Variants in CDYL observed in about 807,000 individuals in gnomAD.
CDYL encodes the protein chromodomain Y like.
A neutral mutation model predicts 47.3 loss-of-function variants in CDYL; 8 were observed. The observed-to-expected ratio is 0.17, with a 90% CI of 0.10 to 0.31. CDYL has a LOEUF of 0.31. Ranked by LOEUF, CDYL falls within the 10% of genes least tolerant of loss-of-function variation. The probability of loss-of-function intolerance (pLI) is 1.00; values close to 1 mark genes in which losing one functional copy is unlikely to be tolerated. For missense variants in CDYL, 471 were observed against 701.4 expected (o/e 0.67, Z 3.71); for synonymous variants, 266 against 265.0 (o/e 1.00, Z -0.04).
intron 1 of CDYL, among the ~76,000 whole-genome samples, chr6:4,830,208 C>T (rs765756082): frequency 6.6e-6 from 1 of 152,242 alleles, no homozygotes; most frequent in Non-Finnish European, 1.5e-5. Flanking sequence ...TATCACCGCA[C>T]TACCCATTTA....
rs200196504 is a variant in CDYL at position 4,922,006 on chromosome 6, G to C, written c.692-13509G>C. On this transcript the variant is annotated intron_variant, in intron 2 of 6. Coordinates refer to ENST00000397588, the MANE Select transcript of CDYL (RefSeq NM_004824.4). ...CTAGTTCGTTTTTCACGTAGGTACC[G>C]TTCCTGCCTCTGTGGTGGCAGCTGG... Among the ~76,000 whole-genome samples the C allele has an allele frequency of 9.9e-5, 15 of 152,194 alleles. 1 individual carries two copies. In the East Asian group the frequency reaches 1.9e-3, roughly 20 times the overall value.
At chr6:4,753,670 CATT>C (rs2127420657) in intron 3 of CDYL, among the ~76,000 whole-genome samples, 1 of 152,236 alleles carries the variant, frequency 6.6e-6, no homozygotes, top group East Asian at 1.9e-4. Context: ...GTAAGAAATG[CATT>C]ATTATATTCA....
At chr6:4,946,807 C>T (rs884775) in intron 5 of CDYL, among the ~76,000 whole-genome samples, 2,978 of 152,214 alleles carry the variant, frequency 0.02, 88 homozygotes, top group African/African-American at 0.068. Flanking sequence ...TGTGGATGGC[C>T]CCACCGGCTG....
chr6:4,850,275 A>G (rs923381037), intron 1 of CDYL, among the ~76,000 whole-genome samples: 6 of 152,188 alleles, frequency 3.9e-5, no homozygotes, highest in Admixed American at 6.5e-5. Context: ...TAGATACACA[A>G]AACTCTGTTC....
At chr6:4,887,402 C>G (rs1333474048) in intron 1 of CDYL, among the ~76,000 whole-genome samples, 4 of 152,044 alleles carry the variant, frequency 2.6e-5, no homozygotes, top group Non-Finnish European at 1.5e-5. Context: ...ATAAGTTTTA[C>G]ACCTCTTTTA....
Position 4,833,637 on chromosome 6 carries a change from T to C in CDYL, c.24+56830T>C, listed in dbSNP as rs1474351823. ...AATTCCTGGGTATCCTTGTTGACTT[T>C]CTGTCTTGTTGATCTGTCTAATGTT... On this transcript the variant is annotated intron_variant, in intron 1 of 6. Coordinates refer to ENST00000397588, the MANE Select transcript of CDYL (RefSeq NM_004824.4). 3.1e-3 allele frequency among the ~76,000 whole-genome samples: 466 copies of C among 150,228 alleles called. 1 individual carries two copies. Among genetic ancestry groups the C allele is most frequent in the African/African-American group, 0.011 (430 of 39,664 alleles).
In CDYL at chr6:4,952,328, G is replaced by C. The variant is rs142036824; in HGVS notation, c.1395G>C (p.Leu465=). The C allele has an allele frequency of 1.5e-4, 241 of 1,614,078 alleles. No homozygotes were observed. Among genetic ancestry groups the C allele is most frequent in the Middle Eastern group, 9.9e-4 (6 of 6,084 alleles). Residue 465 remains leucine (L), a synonymous_variant, in exon 6 of 7, where the codon CTG becomes CTC. Coordinates refer to ENST00000397588, the MANE Select transcript of CDYL (RefSeq NM_004824.4). ...CGCAGGAGGCGTGTGGCAAGGGCCTGGTCTCCCAGGTGTTTTGGCCCGGGA... is the reference window on the plus strand; with the variant it reads ...CGCAGGAGGCGTGTGGCAAGGGCCTCGTCTCCCAGGTGTTTTGGCCCGGGA... ...LTAQEACGKG[L]VSQVFWPGTF...
intron 1 of CDYL, among the ~76,000 whole-genome samples, chr6:4,712,198 G>A (rs1184405806): frequency 6.6e-6 from 1 of 152,204 alleles, no homozygotes; most frequent in African/African-American, 2.4e-5. Context: ...CACCTCTTGA[G>A]TAGACAGGCT....
chr6:4,742,326 AC>A (rs1380072450), intron 3 of CDYL, among the ~76,000 whole-genome samples: 5 of 150,698 alleles, frequency 3.3e-5, no homozygotes, highest in African/African-American at 1.2e-4. Flanking sequence ...CCAAGATTGC[AC>A]CACTGCACTC....
Position 4,857,589 on chromosome 6 carries a change from A to G in CDYL, c.25-34124A>G, listed in dbSNP as rs531393076. ...CAGAACAGGTAGATCGTTGAGGACT[A>G]TTTGTTGCCGGTTTGGTGTGTGTGG... On this transcript the variant is annotated intron_variant, in intron 1 of 6. Coordinates refer to ENST00000397588, the MANE Select transcript of CDYL (RefSeq NM_004824.4). Among the ~76,000 whole-genome samples, 126 of 152,242 alleles carry G rather than the reference A, an allele frequency of 8.3e-4. 1 individual carries two copies. The South Asian group carries it at 0.025, about 30-fold the overall frequency.
At chr6:4,821,984 T>G (rs1200567698) in intron 1 of CDYL, among the ~76,000 whole-genome samples, 1 of 152,116 alleles carries the variant, frequency 6.6e-6, no homozygotes, top group Non-Finnish European at 1.5e-5. Flanking sequence ...TTTATTTATT[T>G]TTTTGAGATA....
chr6:4,770,056 C>T (rs1758315922), intron 3 of CDYL, among the ~76,000 whole-genome samples: 1 of 151,864 alleles, frequency 6.6e-6, no homozygotes, highest in African/African-American at 2.4e-5. Flanking sequence ...AGGATATGGT[C>T]TCAATCTCTT....
intron 3 of CDYL, among the ~76,000 whole-genome samples, chr6:4,936,122 C>T (rs963002772): frequency 2.6e-5 from 4 of 152,188 alleles, no homozygotes; most frequent in Non-Finnish European, 4.4e-5. Flanking sequence ...TGTGTGCACG[C>T]GCTTTGCTTT....
intron 1 of CDYL, among the ~76,000 whole-genome samples, chr6:4,778,680 A>G (rs1031465012): frequency 2.0e-5 from 3 of 152,158 alleles, no homozygotes; most frequent in South Asian, 2.1e-4. Flanking sequence ...TTAGTTTTGG[A>G]AAAAAAGGTA....
chr6:4,854,863 A>T (rs1760959437), intron 1 of CDYL, among the ~76,000 whole-genome samples: 1 of 152,160 alleles, frequency 6.6e-6, no homozygotes, highest in African/African-American at 2.4e-5. Context: ...TAGAAGTGTA[A>T]AGAGTTAGGT....
At chr6:4,918,129 G>C (rs1757608789) in intron 2 of CDYL, among the ~76,000 whole-genome samples, 1 of 152,202 alleles carries the variant, frequency 6.6e-6, no homozygotes, top group Admixed American at 6.5e-5. Context: ...TTGGTTCTGA[G>C]AGTCAGGATA....
rs368234357 is a variant in CDYL at position 4,937,600 on chromosome 6, C to T, written c.984C>T (p.Ala328=). The change falls in exon 4 of 7, where the codon GCC becomes GCT. Residue 328 remains alanine, a synonymous_variant. Transcript: ENST00000397588. ...AAGTCCAGAGTGCTCTGAGCACGGC[C>T]GCTGCCGATGACAGCAAGCTGGTAC... ...MREVQSALST[A]AADDSKLVLL... 2.1e-5 allele frequency: 33 copies of T among 1,596,842 alleles called. 1 individual carries two copies. The highest frequency in any genetic ancestry group is 4.5e-5 in the South Asian group (4 of 88,408).
chr6:4,806,727 A>G lies in CDYL; in HGVS notation c.24+29920A>G, dbSNP rs115033634. Reference sequence around the variant, plus strand: ...CAGTCTTTCCTTCGATGATCTGGACACTTTCAAAGAGTGCCTTTAAGTTCT... The same window carrying G: ...CAGTCTTTCCTTCGATGATCTGGACGCTTTCAAAGAGTGCCTTTAAGTTCT... On this transcript the variant is annotated intron_variant, in intron 1 of 6. Transcript: ENST00000397588. 2.2e-3 allele frequency among the ~76,000 whole-genome samples: 328 copies of G among 152,306 alleles called. 2 individuals carry two copies. Among genetic ancestry groups the G allele is most frequent in the African/African-American group, 7.5e-3 (313 of 41,558 alleles).
chr6:4,889,493 A>G (rs939751459), intron 1 of CDYL, among the ~76,000 whole-genome samples: 1 of 152,020 alleles, frequency 6.6e-6, no homozygotes, highest in African/African-American at 2.4e-5. Flanking sequence ...AAAGTGCTGG[A>G]ATTACAGGCG....
Sources: allele counts gnomAD v4.1 joint callset (sites outside exome capture counted in the v4.1 genomes callset), GRCh38; gene constraint gnomAD v4.1.1; transcripts MANE v1.5; gene names NCBI Gene and HGNC (gene_info 2026-07-23, HGNC 2026-07-21).